Variants in DMD observed in about 807,000 individuals in gnomAD.
The protein encoded by DMD is mutant dystrophin.
In DMD, 63 loss-of-function variants were observed where a neutral mutation model predicts 330.1. The observed-to-expected ratio is 0.19, with a 90% confidence interval of 0.16 to 0.24. The LOEUF (loss-of-function observed/expected upper bound fraction) is 0.24, where lower values mean the gene tolerates loss of function less well. DMD is among the 10% of genes least tolerant of loss of function. The probability of loss-of-function intolerance (pLI) is 1.00; values close to 1 mark genes in which losing one functional copy is unlikely to be tolerated. For synonymous variants in DMD, 1,223 were observed against 959.8 expected, an observed-to-expected ratio of 1.27 and a Z score of -5.07; for missense variants, 3,344 against 2,684.1, an observed-to-expected ratio of 1.25 and a Z score of -5.43.
At chrX:31,685,922 C>T (rs185318841) in intron 52 of DMD, among the ~76,000 whole-genome samples, 1 of 111,577 alleles carries the variant, frequency 9.0e-6, no homozygotes, top group African/African-American at 3.3e-5. Context: ...AGGATCAAAC[C>T]CCAGTGGCCC....
intron 1 of DMD, among the ~76,000 whole-genome samples, chrX:33,224,487 T>C (rs1313672807): frequency 2.7e-5 from 3 of 111,868 alleles, no homozygotes; most frequent in South Asian, 3.7e-4. Flanking sequence ...CTATATACTG[T>C]AGGATTCCAA....
intron 50 of DMD, among the ~76,000 whole-genome samples, chrX:31,819,619 A>C (rs1312107860): frequency 1.8e-5 from 2 of 112,966 alleles, no homozygotes; most frequent in Non-Finnish European, 3.7e-5. Flanking sequence ...CACTGCCTGC[A>C]ATTCAGGACA....
intron 60 of DMD, among the ~76,000 whole-genome samples, chrX:31,377,393 G>C (rs148333297): frequency 8.5e-4 from 95 of 112,239 alleles, no homozygotes; most frequent in Non-Finnish European, 1.5e-3. Flanking sequence ...CCATCACTAA[G>C]TTTTAAGCCT....
intron 60 of DMD, among the ~76,000 whole-genome samples, chrX:31,378,832 C>G (rs967612111): frequency 1.8e-5 from 2 of 110,575 alleles, no homozygotes; most frequent in African/African-American, 6.6e-5. Context: ...AACTTAAAAC[C>G]TCTTCAACTC....
In DMD at chrX:32,693,708, G is replaced by A. The variant is rs184651049; in HGVS notation, c.960+4162C>T. Among the ~76,000 whole-genome samples the A allele has an allele frequency of 3.6e-3, 400 of 112,021 alleles. 5 individuals carry two copies. The highest frequency in any genetic ancestry group is 0.03 in the Admixed American group (314 of 10,583). On this transcript the variant is annotated intron_variant, in intron 9 of 78. Transcript: ENST00000357033. ...CCCCGCGTCATCCTCCAAAAGAGGC[G>A]GGATTACAGGCATGAGCCACTACAC...
At chrX:33,151,296 G>A (rs1172386052) in intron 1 of DMD, among the ~76,000 whole-genome samples, 2 of 112,278 alleles carry the variant, frequency 1.8e-5, no homozygotes, top group Non-Finnish European at 3.8e-5. Flanking sequence ...AAGGCAAAAA[G>A]TATACAATCC....
At chrX:32,917,246 T>C (rs1319903728) in intron 2 of DMD, among the ~76,000 whole-genome samples, 1 of 102,318 alleles carries the variant, frequency 9.8e-6, no homozygotes, top group African/African-American at 3.6e-5. Flanking sequence ...GTCAGCGTCC[T>C]GAGGCCTCCC....
chrX:32,215,358 A>G (rs1433748717), intron 44 of DMD, among the ~76,000 whole-genome samples: 1 of 111,341 alleles, frequency 9.0e-6, no homozygotes, highest in African/African-American at 3.3e-5. Context: ...ACTGACTTCA[A>G]GAACAAGAAA....
intron 2 of DMD, among the ~76,000 whole-genome samples, chrX:32,887,042 GAATATT>G (rs1185703958): frequency 2.7e-5 from 3 of 111,727 alleles, no homozygotes; most frequent in Non-Finnish European, 5.6e-5. Context: ...ATTCAATTGG[GAATATT>G]AATAATTGGA....
intron 11 of DMD, among the ~76,000 whole-genome samples, chrX:32,616,165 C>T (rs890415670): frequency 2.3e-4 from 26 of 110,839 alleles, no homozygotes; most frequent in African/African-American, 7.5e-4. Flanking sequence ...ATACCCTCAA[C>T]GTGACTTATC....
intron 1 of DMD, among the ~76,000 whole-genome samples, chrX:33,288,297 G>A (rs963594536): frequency 4.5e-5 from 5 of 111,391 alleles, no homozygotes; most frequent in African/African-American, 1.6e-4. Flanking sequence ...CTGATGGACC[G>A]GGGAAGCCAT....
chrX:33,141,440 G>T (rs1450854909), intron 1 of DMD, among the ~76,000 whole-genome samples: 1 of 111,354 alleles, frequency 9.0e-6, no homozygotes, highest in African/African-American at 3.3e-5. Flanking sequence ...ATTTTTTGCT[G>T]CTCTCACCAA....
rs944560151 is a variant in DMD at position 32,827,670 on chromosome X, T to C, written c.265-4283A>G. ...TTGTTATTAACTCCCCTTTTTTTTT[T>C]TTTTTTTGAGGTGGAGTTTCGCTCT... On this transcript the variant is annotated intron_variant, in intron 4 of 78. Transcript: ENST00000357033. Among the ~76,000 whole-genome samples, 245 of 106,853 alleles carry C rather than the reference T, an allele frequency of 2.3e-3. 1 individual carries two copies. The highest frequency in any genetic ancestry group is 8.0e-3 in the African/African-American group (233 of 29,224). The allele number at this position is 106,853 out of a possible 115,157, so 92.8% of individuals were successfully genotyped here.
chrX:32,034,778 A>G (rs2095927174), intron 44 of DMD, among the ~76,000 whole-genome samples: 1 of 111,834 alleles, frequency 8.9e-6, no homozygotes. Flanking sequence ...ACTGCCCAAA[A>G]TGTAAATGTT....
chrX:31,570,778 T>G (rs775172849), intron 55 of DMD, among the ~76,000 whole-genome samples: 2 of 111,799 alleles, frequency 1.8e-5, no homozygotes, highest in South Asian at 7.5e-4. Flanking sequence ...TATATTTCTA[T>G]GGATACAAAT....
At chrX:31,927,700 G>A (rs2094798432) in intron 47 of DMD, among the ~76,000 whole-genome samples, 1 of 110,277 alleles carries the variant, frequency 9.1e-6, no homozygotes, top group South Asian at 3.8e-4. Context: ...GCACATTATG[G>A]TTTTAATGTC....
intron 55 of DMD, among the ~76,000 whole-genome samples, chrX:31,586,179 A>T (rs6631349): frequency 0.15 from 16,261 of 111,600 alleles, 924 homozygotes; most frequent in East Asian, 0.27. Context: ...CTAGAAAACA[A>T]CTATGTCGGG....
At chrX:31,258,869 T>C (rs980672333) in intron 63 of DMD, among the ~76,000 whole-genome samples, 5 of 111,323 alleles carry the variant, frequency 4.5e-5, no homozygotes, top group African/African-American at 1.6e-4. Context: ...CAATTTCTCA[T>C]TACAGAGTAA....
At chrX:32,189,383 AAC>A (rs1557200436) in intron 44 of DMD, among the ~76,000 whole-genome samples, 2 of 109,842 alleles carry the variant, frequency 1.8e-5, no homozygotes, top group African/African-American at 6.6e-5. Context: ...AAAAAAAAAA[AAC>A]AACTTTGTTT....
Sources: gnomAD v4.1 joint callset for allele counts (sites outside exome capture counted in the v4.1 genomes callset) on GRCh38, gnomAD v4.1.1 for gene constraint, MANE v1.5 for transcripts, NCBI Gene and HGNC (gene_info 2026-07-23, HGNC 2026-07-21) for gene names.